The following SLC9A9 variants were observed in gnomAD, a reference collection of about 807,000 sequenced individuals.
The protein encoded by SLC9A9 is sodium/hydrogen exchanger 9.
Under a neutral mutation model 77.8 loss-of-function variants are expected in SLC9A9, and 62 were observed. That is an observed-to-expected ratio of 0.80 (90% CI 0.65 to 0.98). SLC9A9 has a LOEUF of 0.98. SLC9A9 is among the 50% of genes least tolerant of loss of function. SLC9A9 has a pLI of 0.00. For missense variants in SLC9A9, 775 were observed against 774.9 expected, an observed-to-expected ratio of 1.00 and a Z score of 0.00; for synonymous variants, 320 against 283.5, an observed-to-expected ratio of 1.13 and a Z score of -1.29.
At chr3:143,378,987 A>G (rs2033241244) in intron 13 of SLC9A9, among the ~76,000 whole-genome samples, 1 of 151,952 alleles carries the variant, frequency 6.6e-6, no homozygotes, top group African/African-American at 2.4e-5. Flanking sequence ...TACTTTCCAC[A>G]GCAGAGAACA....
At chr3:143,552,742 T>C (rs1278199390) in intron 8 of SLC9A9, among the ~76,000 whole-genome samples, 2 of 152,194 alleles carry the variant, frequency 1.3e-5, no homozygotes, top group East Asian at 1.9e-4. Flanking sequence ...AGAAAAGTTA[T>C]ATTTGAAAAC....
intron 4 of SLC9A9, among the ~76,000 whole-genome samples, chr3:143,694,820 A>G (rs1246607992): frequency 6.6e-6 from 1 of 152,152 alleles, no homozygotes; most frequent in Non-Finnish European, 1.5e-5. Context: ...TGCTCTAGGT[A>G]GTCCAAAAGA....
chr3:143,531,288 C>A (rs2036506432), intron 9 of SLC9A9, among the ~76,000 whole-genome samples: 1 of 152,178 alleles, frequency 6.6e-6, no homozygotes, highest in Non-Finnish European at 1.5e-5. Flanking sequence ...CAAACCACAT[C>A]CCCAAATTTC....
chr3:143,672,184 T>G (rs2039165564), intron 5 of SLC9A9, among the ~76,000 whole-genome samples: 1 of 75,638 alleles, frequency 1.3e-5, no homozygotes. Context: ...AATTACATCT[T>G]AAATTTTTTT....
intron 14 of SLC9A9, among the ~76,000 whole-genome samples, chr3:143,294,711 C>T (rs2030169073): frequency 6.6e-6 from 1 of 152,184 alleles, no homozygotes; most frequent in South Asian, 2.1e-4. Flanking sequence ...CTTACTTCCA[C>T]TGAAATTCCC....
chr3:143,506,088 C>T (rs1576542200), intron 9 of SLC9A9, among the ~76,000 whole-genome samples: 1 of 152,260 alleles, frequency 6.6e-6, no homozygotes, highest in Middle Eastern at 3.4e-3. Context: ...ATGTTGGCAC[C>T]TTGACAGAGT....
chr3:143,698,604 A>G lies in SLC9A9; in HGVS notation c.534-5297T>C, dbSNP rs1488663673. Among the ~76,000 whole-genome samples, 38 of 152,250 alleles carry G rather than the reference A, an allele frequency of 2.5e-4. 2 individuals are homozygous for G. Among genetic ancestry groups the G allele is most frequent in the Admixed American group, 2.4e-3 (37 of 15,282 alleles). ...AAAGCTATGTTATAAAAATGTTTCAATACAAAAAGTTCCAGAAGTTTTAAT... is the reference window on the plus strand; with the variant it reads ...AAAGCTATGTTATAAAAATGTTTCAGTACAAAAAGTTCCAGAAGTTTTAAT... On this transcript the variant is annotated intron_variant, in intron 4 of 15. Coordinates refer to ENST00000316549, the MANE Select transcript of SLC9A9 (RefSeq NM_173653.4).
At chr3:143,740,061 G>GA (rs1379110648) in intron 4 of SLC9A9, among the ~76,000 whole-genome samples, 1 of 152,194 alleles carries the variant, frequency 6.6e-6, no homozygotes, top group Admixed American at 6.5e-5. Context: ...TGTTATTGAA[G>GA]ATGCTGACAA....
At chr3:143,525,094 T>C (rs961042373) in intron 9 of SLC9A9, among the ~76,000 whole-genome samples, 1 of 152,168 alleles carries the variant, frequency 6.6e-6, no homozygotes, top group African/African-American at 2.4e-5. Context: ...GAATGCTATA[T>C]AGATGTCAAA....
At chr3:143,794,144 A>T (rs989307908) in intron 4 of SLC9A9, among the ~76,000 whole-genome samples, 1 of 152,196 alleles carries the variant, frequency 6.6e-6, no homozygotes, top group African/African-American at 2.4e-5. Flanking sequence ...CCTTGGCCTC[A>T]ATTGACACAC....
intron 9 of SLC9A9, among the ~76,000 whole-genome samples, chr3:143,524,007 T>C (rs2036361921): frequency 6.6e-6 from 1 of 152,118 alleles, no homozygotes; most frequent in Non-Finnish European, 1.5e-5. Context: ...CTGTGGTCCT[T>C]TCTGAATGTA....
At chr3:143,437,613 C>T (rs762001115) in intron 12 of SLC9A9, among the ~76,000 whole-genome samples, 3 of 152,206 alleles carry the variant, frequency 2.0e-5, no homozygotes, top group African/African-American at 4.8e-5. Flanking sequence ...GAAAGTAGGT[C>T]AACTTAAATT....
chr3:143,676,095 C>G (rs529678367), intron 5 of SLC9A9, among the ~76,000 whole-genome samples: 1 of 152,112 alleles, frequency 6.6e-6, no homozygotes, highest in East Asian at 1.9e-4. Context: ...CTAGATCCCT[C>G]GCATGCGCAG....
At chr3:143,291,033 A>T (rs1212725302) in intron 14 of SLC9A9, among the ~76,000 whole-genome samples, 1 of 152,188 alleles carries the variant, frequency 6.6e-6, no homozygotes, top group Non-Finnish European at 1.5e-5. Context: ...GGAATGTTGT[A>T]TGTTTAACTG....
At chr3:143,827,901 T>G (rs2009339950) in intron 2 of SLC9A9, among the ~76,000 whole-genome samples, 1 of 152,202 alleles carries the variant, frequency 6.6e-6, no homozygotes, top group Non-Finnish European at 1.5e-5. Flanking sequence ...GAGCCGGACT[T>G]CTTCCTCAAC....
chr3:143,783,511 C>T (rs1028361859), intron 4 of SLC9A9, among the ~76,000 whole-genome samples: 2 of 152,110 alleles, frequency 1.3e-5, no homozygotes, highest in African/African-American at 2.4e-5. Flanking sequence ...TGACTTACCA[C>T]TTGATCAATA....
At chr3:143,731,847 A>G (rs1239561979) in intron 4 of SLC9A9, among the ~76,000 whole-genome samples, 5 of 152,122 alleles carry the variant, frequency 3.3e-5, no homozygotes, top group Non-Finnish European at 7.4e-5. Context: ...ATATATCCCC[A>G]TGATCTGTTT....
intron 11 of SLC9A9, among the ~76,000 whole-genome samples, chr3:143,471,005 C>T (rs1306806781): frequency 6.6e-6 from 1 of 152,160 alleles, no homozygotes; most frequent in Non-Finnish European, 1.5e-5. Context: ...CAGCCACTAT[C>T]TCGTGGCAGG....
intron 14 of SLC9A9, among the ~76,000 whole-genome samples, chr3:143,333,235 T>G: frequency 1.3e-5 from 1 of 78,308 alleles, no homozygotes; most frequent in African/African-American, 4.8e-5. Flanking sequence ...AACCACCACC[T>G]CCCACCCCCC....
Sources: allele counts gnomAD v4.1 joint callset (sites outside exome capture counted in the v4.1 genomes callset), GRCh38; gene constraint gnomAD v4.1.1; transcripts MANE v1.5; gene names NCBI Gene and HGNC (gene_info 2026-07-23, HGNC 2026-07-21).